GML: variants seen among roughly 807,000 people sequenced by gnomAD.
GML encodes glycosyl-phosphatidylinositol-anchored molecule-like protein.
In GML, 5 loss-of-function variants were observed where a neutral mutation model predicts 8.2. That is an observed-to-expected ratio of 0.61 (90% CI 0.32 to 1.28). The LOEUF (loss-of-function observed/expected upper bound fraction) is 1.28, where lower values mean the gene tolerates loss of function less well. Among genes scored for constraint, GML ranks in the 50% most tolerant of loss-of-function variants. The probability of loss-of-function intolerance (pLI) is 0.06; values close to 1 mark genes in which losing one functional copy is unlikely to be tolerated. For missense variants in GML, 191 were observed against 198.3 expected (o/e 0.96, Z 0.22); for synonymous variants, 72 against 69.0 (o/e 1.04, Z -0.22).
intron 3 of GML, 67 bp downstream of exon 3, chr8:142,841,292 A>C: frequency 1.2e-6 from 1 of 831,586 alleles, no homozygotes. Context: ...TTCTGGGGCC[A>C]GGGCCAGTCT....
At chr8:142,837,242 C>A (rs554191197) in intron 1 of GML, among the ~76,000 whole-genome samples, 16 of 152,004 alleles carry the variant, frequency 1.1e-4, no homozygotes, top group African/African-American at 3.9e-4. Flanking sequence ...TGTAGTGAGC[C>A]GAGATCACGC....
At chr8:142,844,293 AAAG>A (rs1320252245) in intron 3 of GML, among the ~76,000 whole-genome samples, 1 of 152,246 alleles carries the variant, frequency 6.6e-6, no homozygotes, top group Non-Finnish European at 1.5e-5. Context: ...GCACCATATA[AAAG>A]AAGCAGTTTC....
intron 1 of GML, among the ~76,000 whole-genome samples, chr8:142,839,671 G>T (rs1221317429): frequency 2.6e-5 from 4 of 152,206 alleles, no homozygotes; most frequent in Admixed American, 6.5e-5. Context: ...AGGGGGGTAG[G>T]GGATGGAGAC....
At chr8:142,836,748 G>A (rs1330247271) in intron 1 of GML, among the ~76,000 whole-genome samples, 1 of 152,192 alleles carries the variant, frequency 6.6e-6, no homozygotes, top group Non-Finnish European at 1.5e-5. Flanking sequence ...GCTCAAAGGT[G>A]GAGGCCAAGT....
At chr8:142,839,508 C>G (rs75991734) in intron 1 of GML, among the ~76,000 whole-genome samples, 23,963 of 152,106 alleles carry the variant, frequency 0.16, 2,312 homozygotes, top group East Asian at 0.48. Flanking sequence ...GGGAGCTACA[C>G]ATCAGGCTCT....
chr8:142,838,117 C>T (rs1372335277), intron 1 of GML, among the ~76,000 whole-genome samples: 1 of 147,070 alleles, frequency 6.8e-6, no homozygotes, highest in African/African-American at 2.5e-5. Context: ...GCTTCCACAT[C>T]TGTCCAAGGG....
In GML at chr8:142,841,823, G is replaced by C. The variant is rs558866311; in HGVS notation, c.181+598G>C. ...CAATGGAGCAAGCAGGGAGGGTGCA[G>C]CCAGTGTATGCCCTGGCGCACAGGT... On this transcript the variant is annotated intron_variant, in intron 3 of 3. Transcript: ENST00000220940. 6.6e-5 allele frequency among the ~76,000 whole-genome samples: 10 copies of C among 152,314 alleles called. No homozygotes were observed. In the East Asian group the frequency reaches 1.4e-3, roughly 21 times the overall value.
intron 1 of GML, among the ~76,000 whole-genome samples, chr8:142,838,241 A>G (rs1816370163): frequency 6.6e-6 from 1 of 151,922 alleles, no homozygotes; most frequent in Non-Finnish European, 1.5e-5. Flanking sequence ...TTTTTTCCTG[A>G]CTTTTCAAGG....
intron 1 of GML, among the ~76,000 whole-genome samples, chr8:142,839,120 G>A (rs1054372671): frequency 1.3e-5 from 2 of 152,164 alleles, no homozygotes; most frequent in African/African-American, 2.4e-5. Context: ...GAGTGAAGGA[G>A]GCATCCAGGG....
At chr8:142,845,379 A>G (rs1816490808) in intron 3 of GML, among the ~76,000 whole-genome samples, 1 of 152,184 alleles carries the variant, frequency 6.6e-6, no homozygotes, top group African/African-American at 2.4e-5. Flanking sequence ...GCACTTGGTG[A>G]CAATCCATTG....
Position 142,846,560 on chromosome 8 carries a change from C to A in GML, c.347C>A (p.Thr116Asn), listed in dbSNP as rs1272674839. The change falls in exon 4 of 4, where the codon ACT becomes AAT. Residue 116 changes from threonine (T) to asparagine (N), a missense_variant. Physicochemically the swap from Thr to Asn is moderately conservative, Grantham distance 65. Transcript: ENST00000220940. ...NSMVCNAGGPTNLERDMLPDE... is the reference protein window; with the variant it reads ...NSMVCNAGGPNNLERDMLPDE... ...ATGGTTTGCAATGCAGGAGGACCTA[C>A]TAATCTTGAAAGGGACATGTTACCC... 1 of 1,613,926 alleles carries A rather than the reference C, an allele frequency of 6.2e-7. No individual in the cohort carries two copies. Among genetic ancestry groups the A allele is most frequent in the Admixed American group, 1.7e-5 (1 of 60,026 alleles).
chr8:142,838,205 C>G (rs1162222528), intron 1 of GML, among the ~76,000 whole-genome samples: 1 of 151,806 alleles, frequency 6.6e-6, no homozygotes, highest in African/African-American at 2.4e-5. Context: ...CCTACTGCAT[C>G]CCATGTAGAA....
intron 2 of GML, among the ~76,000 whole-genome samples, chr8:142,840,825 T>A (rs1189525190): frequency 6.6e-6 from 1 of 152,150 alleles, no homozygotes; most frequent in Non-Finnish European, 1.5e-5. Flanking sequence ...CCAGTCTTCC[T>A]TGGCGAGGTG....
At chr8:142,845,035 A>G (rs922247980) in intron 3 of GML, among the ~76,000 whole-genome samples, 4 of 152,228 alleles carry the variant, frequency 2.6e-5, no homozygotes, top group South Asian at 2.1e-4. Context: ...AACAACCTCA[A>G]TGTCCATCAA....
chr8:142,841,326 T>C (rs1816431957), intron 3 of GML, 101 bp downstream of exon 3: 3 of 712,098 alleles, frequency 4.2e-6, no homozygotes, highest in Non-Finnish European at 7.8e-6. Context: ...CACCCAGCTC[T>C]GTTTCCCCTT....
intron 3 of GML, among the ~76,000 whole-genome samples, chr8:142,843,407 T>C (rs1163905946): frequency 6.6e-6 from 1 of 152,072 alleles, no homozygotes; most frequent in East Asian, 1.9e-4. Context: ...GCAGAGATGA[T>C]TGTAGATGCT....
chr8:142,835,146 AG>A (rs1465345833), intron 1 of GML, among the ~76,000 whole-genome samples: 6 of 151,398 alleles, frequency 4.0e-5, no homozygotes, highest in African/African-American at 1.5e-4. Context: ...GGTCCCAGGG[AG>A]ACCCCCTAAT....
At chr8:142,845,012 G>C (rs1366452098) in intron 3 of GML, among the ~76,000 whole-genome samples, 1 of 152,192 alleles carries the variant, frequency 6.6e-6, no homozygotes, top group Non-Finnish European at 1.5e-5. Flanking sequence ...ATTTGGAGTA[G>C]ACAAAAACCA....
intron 3 of GML, among the ~76,000 whole-genome samples, chr8:142,843,255 T>TACACAC (rs55778635): frequency 0.044 from 6,139 of 140,010 alleles, 198 homozygotes; most frequent in Admixed American, 0.083. Flanking sequence ...AAAAGGTTCA[T>TACACAC]ACACACACAC....
Sources: allele counts gnomAD v4.1 joint callset (sites outside exome capture counted in the v4.1 genomes callset), GRCh38; gene constraint gnomAD v4.1.1; transcripts MANE v1.5; gene names NCBI Gene and HGNC (gene_info 2026-07-23, HGNC 2026-07-21).